CGGBP1: variants seen among roughly 807,000 people sequenced by gnomAD.
CGGBP1 encodes CGG triplet repeat-binding protein 1.
In CGGBP1, 4 loss-of-function variants were observed where a neutral mutation model predicts 11.4. That is an observed-to-expected ratio of 0.35 (90% CI 0.17 to 0.80). The LOEUF (loss-of-function observed/expected upper bound fraction) is 0.80, where lower values mean the gene tolerates loss of function less well. Ranked by LOEUF, CGGBP1 falls within the 30% of genes least tolerant of loss-of-function variation. The probability of loss-of-function intolerance (pLI) is 0.52; values close to 1 mark genes in which losing one functional copy is unlikely to be tolerated. For missense variants in CGGBP1, 135 were observed against 202.1 expected, an observed-to-expected ratio of 0.67 and a Z score of 2.01; for synonymous variants, 76 against 74.1, an observed-to-expected ratio of 1.03 and a Z score of -0.13.
At chr3:88,105,130 C>T (rs1704658357) in intron 2 of CGGBP1, among the ~76,000 whole-genome samples, 1 of 152,322 alleles carries the variant, frequency 6.6e-6, no homozygotes, top group African/African-American at 2.4e-5. Flanking sequence ...GAGAGCAAGA[C>T]TCCATCTCAG....
intron 2 of CGGBP1, among the ~76,000 whole-genome samples, chr3:88,066,709 A>G (rs563920921): frequency 1.4e-4 from 21 of 152,310 alleles, no homozygotes; most frequent in Admixed American, 5.9e-4. Context: ...AACACAAGTA[A>G]GGCACCATTT....
chr3:88,127,734 T>C (rs1706205883), intron 2 of CGGBP1, among the ~76,000 whole-genome samples: 1 of 152,188 alleles, frequency 6.6e-6, no homozygotes. Context: ...CCTTTTAGGC[T>C]GGGAATTACA....
rs1706480427 is a variant in CGGBP1, at chr3:88,053,722, T to C, written c.*1751A>G. On this transcript the variant is annotated 3_prime_UTR_variant, in exon 4 of 4. Transcript: ENST00000482016. ...AGCTTCTAAAATCTACCATCTTAGATAGTTCAAATTAAACATGGTTGCCTG... is the reference window on the plus strand; with the variant it reads ...AGCTTCTAAAATCTACCATCTTAGACAGTTCAAATTAAACATGGTTGCCTG... 6.6e-6 allele frequency: 1 copy of C among 152,490 alleles called. No homozygotes were observed. The highest frequency in any genetic ancestry group is 6.6e-5 in the Admixed American group (1 of 15,208). 9.4% of individuals were successfully genotyped at this position (152,490 alleles called of 1,614,324 possible).
chr3:88,131,688 A>T (rs1279117892), intron 2 of CGGBP1, among the ~76,000 whole-genome samples: 2 of 152,130 alleles, frequency 1.3e-5, no homozygotes, highest in African/African-American at 2.4e-5. Context: ...ACCAAAAAGG[A>T]GTCTTTAGCC....
intron 1 of CGGBP1, among the ~76,000 whole-genome samples, chr3:88,148,381 TG>T (rs1354169695): frequency 7.2e-5 from 11 of 152,218 alleles, no homozygotes; most frequent in African/African-American, 2.7e-4. Context: ...GCCCTCCACG[TG>T]GTCCCATACC....
At chr3:88,061,827 C>T (rs919604253), upstream of CGGBP1, among the ~76,000 whole-genome samples, 1 of 152,082 alleles carries the variant, frequency 6.6e-6, no homozygotes, top group Non-Finnish European at 1.5e-5. Flanking sequence ...ATGACTTAAT[C>T]GTGAGTAATG....
intron 2 of CGGBP1, chr3:88,112,972 T>C (rs1489121671): frequency 1.7e-5 from 9 of 539,632 alleles, no homozygotes; most frequent in Non-Finnish European, 2.9e-5. Flanking sequence ...AAACATAATA[T>C]GAATTCTAGT....
At chr3:88,117,193 G>A (rs1204942125) in intron 2 of CGGBP1, among the ~76,000 whole-genome samples, 3 of 152,020 alleles carry the variant, frequency 2.0e-5, no homozygotes, top group Non-Finnish European at 2.9e-5. Flanking sequence ...ATTAATGAAG[G>A]AAATAATATC....
chr3:88,091,419 G>A (rs185723153), intron 2 of CGGBP1, among the ~76,000 whole-genome samples: 8 of 152,076 alleles, frequency 5.3e-5, no homozygotes, highest in Non-Finnish European at 7.4e-5. Context: ...TAAATTATTC[G>A]TAAGGAAGAA....
chr3:88,076,698 G>C (rs558244484), intron 2 of CGGBP1, among the ~76,000 whole-genome samples: 1 of 152,036 alleles, frequency 6.6e-6, no homozygotes, highest in Admixed American at 6.6e-5. Flanking sequence ...CGTATATTTT[G>C]GGGTTCCCTT....
At chr3:88,064,541 T>G (rs1304069387) in intron 2 of CGGBP1, among the ~76,000 whole-genome samples, 3 of 152,196 alleles carry the variant, frequency 2.0e-5, no homozygotes, top group Non-Finnish European at 2.9e-5. Flanking sequence ...TTTGGAGGTA[T>G]GTGGTACCTC....
At chr3:88,121,721 GTAT>G (rs1185945347) in intron 2 of CGGBP1, among the ~76,000 whole-genome samples, 1 of 152,132 alleles carries the variant, frequency 6.6e-6, no homozygotes, top group Non-Finnish European at 1.5e-5. Context: ...TCATTTCAAA[GTAT>G]TATAAAGACT....
At chr3:88,084,353 G>A (rs947710351) in intron 2 of CGGBP1, among the ~76,000 whole-genome samples, 1 of 152,196 alleles carries the variant, frequency 6.6e-6, no homozygotes, top group African/African-American at 2.4e-5. Context: ...TATTTTTTAT[G>A]TGGCACCGGA....
At chr3:88,094,298 T>C (rs1437047273) in intron 2 of CGGBP1, among the ~76,000 whole-genome samples, 1 of 152,146 alleles carries the variant, frequency 6.6e-6, no homozygotes, top group Non-Finnish European at 1.5e-5. Flanking sequence ...CATTTGGTCT[T>C]AGTTGTGACT....
intron 2 of CGGBP1, among the ~76,000 whole-genome samples, chr3:88,072,651 A>G (rs954750021): frequency 4.6e-5 from 7 of 152,158 alleles, no homozygotes; most frequent in African/African-American, 1.4e-4. Flanking sequence ...GCAGCATCCC[A>G]TCTCTAGTAT....
chr3:88,145,488 G>A (rs1415227618), intron 1 of CGGBP1, among the ~76,000 whole-genome samples: 1 of 152,074 alleles, frequency 6.6e-6, no homozygotes, highest in Non-Finnish European at 1.5e-5. Context: ...AATAATGAAT[G>A]TAGTGAGGTA....
intron 1 of CGGBP1, chr3:88,141,558 C>A: frequency 3.1e-6 from 3 of 961,868 alleles, no homozygotes; most frequent in Non-Finnish European, 3.0e-6. Flanking sequence ...TTTAAAATGA[C>A]AGGGTATAAA....
intron 2 of CGGBP1, among the ~76,000 whole-genome samples, chr3:88,113,481 ATTC>A (rs1705212407): frequency 6.6e-6 from 1 of 152,168 alleles, no homozygotes; most frequent in African/African-American, 2.4e-5. Flanking sequence ...GTGAAAAACG[ATTC>A]TTCTTTGCCA....
At chr3:88,068,739 T>G (rs2107606014) in intron 2 of CGGBP1, among the ~76,000 whole-genome samples, 1 of 152,314 alleles carries the variant, frequency 6.6e-6, no homozygotes, top group African/African-American at 2.4e-5. Context: ...TTTAATCCAC[T>G]ACCCTACAAG....
Sources: allele counts gnomAD v4.1 joint callset (sites outside exome capture counted in the v4.1 genomes callset), GRCh38; gene constraint gnomAD v4.1.1; transcripts MANE v1.5; gene names NCBI Gene and HGNC (gene_info 2026-07-23, HGNC 2026-07-21).